Variants in DIPK1A observed in about 807,000 individuals in gnomAD.
DIPK1A encodes divergent protein kinase domain 1A.
Under a neutral mutation model 40.8 loss-of-function variants are expected in DIPK1A, and 27 were observed. The ratio of observed to expected loss-of-function variants is 0.66; its 90% CI spans 0.49 to 0.91. The LOEUF (loss-of-function observed/expected upper bound fraction) is 0.91. DIPK1A is among the 40% of genes least tolerant of loss of function. The pLI, the probability that DIPK1A is intolerant of heterozygous loss-of-function variation, is 0.00. For missense variants in DIPK1A, 412 were observed against 505.7 expected, an observed-to-expected ratio of 0.81 and a Z score of 1.78; for synonymous variants, 166 against 171.3, an observed-to-expected ratio of 0.97 and a Z score of 0.24.
intron 2 of DIPK1A, among the ~76,000 whole-genome samples, chr1:92,861,020 C>A (rs1382277449): frequency 6.6e-6 from 1 of 152,050 alleles, no homozygotes; most frequent in Non-Finnish European, 1.5e-5. Context: ...TTCCTTCTCT[C>A]CCTCCTTCCC....
chr1:92,866,737 A>G (rs748127858), intron 2 of DIPK1A, among the ~76,000 whole-genome samples: 19 of 152,182 alleles, frequency 1.2e-4, no homozygotes, highest in Non-Finnish European at 2.6e-4. Flanking sequence ...GGGCCTTAAG[A>G]GCGCCACTGA....
In DIPK1A at chr1:92,851,439, A is replaced by G. The variant is rs1013392293; in HGVS notation, c.190-484T>C. Among the ~76,000 whole-genome samples the G allele has an allele frequency of 8.1e-5, 12 of 147,556 alleles. No homozygotes were observed. In the East Asian group the frequency reaches 2.5e-3, roughly 31 times the overall value. ...GCGCCTGTAATGCCAGCTACTCGGGAGGCTGAGGCAGAAGAATCACTTGAG... is the reference window on the plus strand; with the variant it reads ...GCGCCTGTAATGCCAGCTACTCGGGGGGCTGAGGCAGAAGAATCACTTGAG... On this transcript the variant is annotated intron_variant, in intron 2 of 4. Transcript: ENST00000370310.
chr1:92,874,690 T>C (rs2100772887), intron 2 of DIPK1A, among the ~76,000 whole-genome samples: 1 of 152,342 alleles, frequency 6.6e-6, no homozygotes, highest in South Asian at 2.1e-4. Flanking sequence ...GGTTAGAAAC[T>C]GAGTTTTGTG....
chr1:92,860,646 A>AAAAGAAAAATAGCCAGGTG (rs148916481), intron 2 of DIPK1A, among the ~76,000 whole-genome samples: 2 of 105,212 alleles, frequency 1.9e-5, no homozygotes, highest in East Asian at 2.9e-4. Context: ...AAAAAAAAAA[A>AAAAGAAAAATAGCCAGGTG]TGGTGGTGTG....
At chr1:92,864,643 A>G (rs141266891) in intron 2 of DIPK1A, among the ~76,000 whole-genome samples, 16 of 152,332 alleles carry the variant, frequency 1.1e-4, no homozygotes, top group African/African-American at 3.4e-4. Context: ...CTTACTTACA[A>G]AGTCAAACTG....
chr1:92,941,811 A>G (rs1004177778), intron 1 of DIPK1A, among the ~76,000 whole-genome samples: 3 of 152,060 alleles, frequency 2.0e-5, no homozygotes, highest in Non-Finnish European at 2.9e-5. Flanking sequence ...CACACTCTAT[A>G]CTCGAAAAGT....
Position 92,850,963 on chromosome 1 carries a change from C to A in DIPK1A, c.190-8G>T. The A allele has an allele frequency of 6.6e-7, 1 of 1,526,006 alleles. No individual in the cohort carries two copies. Among genetic ancestry groups the A allele is most frequent in the African/African-American group, 1.4e-5 (1 of 72,194 alleles). 94.5% of individuals were successfully genotyped at this position (1,526,006 alleles called of 1,614,324 possible). The stretch of plus-strand genomic sequence containing the variant: ...AGTCTTGTACTTGTCACACTAAAAA[C>A]CAGGAAATAAAAAAGTAGTTAATAG... On this transcript the variant is annotated splice_polypyrimidine_tract_variant and splice_region_variant and intron_variant, in intron 2 of 4. Coordinates refer to ENST00000370310, the MANE Select transcript of DIPK1A (RefSeq NM_001006605.5).
chr1:92,864,370 G>T (rs1319932852), intron 2 of DIPK1A, among the ~76,000 whole-genome samples: 1 of 151,892 alleles, frequency 6.6e-6, no homozygotes, highest in African/African-American at 2.4e-5. Flanking sequence ...CTTTTATTTT[G>T]TAATACTTCC....
intron 1 of DIPK1A, among the ~76,000 whole-genome samples, chr1:92,957,160 G>A (rs1363737883): frequency 6.6e-6 from 1 of 152,158 alleles, no homozygotes; most frequent in East Asian, 1.9e-4. Flanking sequence ...GCTTCACTCA[G>A]ACTATGAGTA....
intron 1 of DIPK1A, among the ~76,000 whole-genome samples, chr1:92,937,799 T>C (rs546423143): frequency 6.6e-6 from 1 of 151,400 alleles, no homozygotes; most frequent in Non-Finnish European, 1.5e-5. Flanking sequence ...TGTTATACTT[T>C]AATGAAAAGT....
intron 1 of DIPK1A, among the ~76,000 whole-genome samples, chr1:92,889,228 A>G (rs1190075528): frequency 1.3e-5 from 2 of 152,192 alleles, no homozygotes; most frequent in Non-Finnish European, 2.9e-5. Flanking sequence ...CCATATGGCT[A>G]TCCAGTTTTT....
At chr1:92,878,547 G>A (rs958350848) in intron 1 of DIPK1A, among the ~76,000 whole-genome samples, 4 of 151,708 alleles carry the variant, frequency 2.6e-5, no homozygotes, top group African/African-American at 7.3e-5. Flanking sequence ...TAGGCCAGGC[G>A]CAGTGGCTCA....
At chr1:92,838,002 A>G (rs756731030), downstream of DIPK1A, among the ~76,000 whole-genome samples, 2 of 152,238 alleles carry the variant, frequency 1.3e-5, no homozygotes, top group Non-Finnish European at 2.9e-5. Context: ...TATCTCAGAC[A>G]TGTACACAGG....
At chr1:92,882,422 C>G (rs1208000499) in intron 1 of DIPK1A, among the ~76,000 whole-genome samples, 5 of 152,110 alleles carry the variant, frequency 3.3e-5, no homozygotes, top group African/African-American at 1.2e-4. Flanking sequence ...CCAGAATTTT[C>G]TAACACCCTC....
intron 1 of DIPK1A, among the ~76,000 whole-genome samples, chr1:92,918,339 G>C (rs1650135309): frequency 6.6e-6 from 1 of 152,114 alleles, no homozygotes; most frequent in Non-Finnish European, 1.5e-5. Flanking sequence ...TGTAGAGATA[G>C]AGTTTCATTA....
intron 4 of DIPK1A, chr1:92,836,594 T>C: frequency 3.4e-6 from 2 of 586,406 alleles, no homozygotes; most frequent in Non-Finnish European, 6.0e-6. Flanking sequence ...CCCAGAGTTA[T>C]TTGTCCCAAG....
chr1:92,919,694 T>C (rs1413881315), intron 1 of DIPK1A, among the ~76,000 whole-genome samples: 2 of 152,160 alleles, frequency 1.3e-5, no homozygotes, highest in Non-Finnish European at 1.5e-5. Context: ...TCAGTAAAAA[T>C]TTATCCAGAC....
At chr1:92,858,745 T>C (rs762397624) in intron 2 of DIPK1A, among the ~76,000 whole-genome samples, 8 of 152,194 alleles carry the variant, frequency 5.3e-5, no homozygotes, top group Non-Finnish European at 1.0e-4. Flanking sequence ...CACTTGTGGC[T>C]TACATCAAAA....
At chr1:92,896,038 A>C (rs2100812248) in intron 1 of DIPK1A, among the ~76,000 whole-genome samples, 1 of 152,344 alleles carries the variant, frequency 6.6e-6, no homozygotes, top group African/African-American at 2.4e-5. Flanking sequence ...TTCCATGCTC[A>C]TGGGTAGGAA....
Sources: gnomAD v4.1 joint callset for allele counts (sites outside exome capture counted in the v4.1 genomes callset) on GRCh38, gnomAD v4.1.1 for gene constraint, MANE v1.5 for transcripts, NCBI Gene and HGNC (gene_info 2026-07-23, HGNC 2026-07-21) for gene names.